SLC9A9: variants seen among roughly 807,000 people sequenced by gnomAD.
SLC9A9 encodes the protein sodium/hydrogen exchanger 9.
Under a neutral mutation model 77.8 loss-of-function variants are expected in SLC9A9, and 62 were observed. That is an observed-to-expected ratio of 0.80 (90% CI 0.65 to 0.98). SLC9A9 has a LOEUF of 0.98. Ranked by LOEUF, SLC9A9 falls within the 50% of genes least tolerant of loss-of-function variation. SLC9A9 has a pLI of 0.00. For missense variants in SLC9A9, 775 were observed against 774.9 expected (o/e 1.00, Z 0.00); for synonymous variants, 320 against 283.5 (o/e 1.13, Z -1.29).
chr3:143,730,209 A>G (rs1283169745), intron 4 of SLC9A9, among the ~76,000 whole-genome samples: 1 of 152,162 alleles, frequency 6.6e-6, no homozygotes, highest in Admixed American at 6.5e-5. Context: ...CCCCTTTGAA[A>G]GCGTGGTATT....
At chr3:143,804,893 A>G (rs142764090) in intron 2 of SLC9A9, among the ~76,000 whole-genome samples, 2,857 of 152,278 alleles carry the variant, frequency 0.019, 76 homozygotes, top group African/African-American at 0.053. Flanking sequence ...TCAGTCCTCC[A>G]GGCCCAAGTT....
chr3:143,775,007 A>G (rs143009755), intron 4 of SLC9A9, among the ~76,000 whole-genome samples: 124 of 152,206 alleles, frequency 8.1e-4, no homozygotes, highest in African/African-American at 2.8e-3. Context: ...GGATTTCCCA[A>G]TCCCACTGCT....
intron 6 of SLC9A9, among the ~76,000 whole-genome samples, chr3:143,651,595 A>G (rs140188657): frequency 1.7e-3 from 258 of 152,340 alleles, no homozygotes; most frequent in African/African-American, 5.9e-3. Context: ...AACCAAGAAG[A>G]GACCTCTGAC....
chr3:143,795,281 G>GA (rs776525691), intron 3 of SLC9A9, among the ~76,000 whole-genome samples: 22,228 of 72,048 alleles, frequency 0.31, 2,705 homozygotes, highest in East Asian at 0.53. Flanking sequence ...TCAAGAAGCA[G>GA]AAAAAAAAAA....
chr3:143,636,499 G>C (rs1426512570), intron 6 of SLC9A9, among the ~76,000 whole-genome samples: 1 of 152,092 alleles, frequency 6.6e-6, no homozygotes, highest in Non-Finnish European at 1.5e-5. Flanking sequence ...GATTTAGGGG[G>C]TACAGGGGCA....
chr3:143,551,458 G>C (rs927928247), intron 9 of SLC9A9, among the ~76,000 whole-genome samples: 1 of 152,216 alleles, frequency 6.6e-6, no homozygotes, highest in Non-Finnish European at 1.5e-5. Flanking sequence ...TATTTACAGA[G>C]CTTCCACTGG....
intron 6 of SLC9A9, among the ~76,000 whole-genome samples, chr3:143,648,547 G>A (rs941110738): frequency 6.6e-6 from 1 of 152,112 alleles, no homozygotes; most frequent in African/African-American, 2.4e-5. Context: ...GACCAGTGCC[G>A]GTCCACAGCC....
At chr3:143,779,003 T>C (rs1244934545) in intron 4 of SLC9A9, among the ~76,000 whole-genome samples, 2 of 152,236 alleles carry the variant, frequency 1.3e-5, no homozygotes, top group African/African-American at 4.8e-5. Flanking sequence ...CATGAATTTA[T>C]ACCTCTAGTG....
At chr3:143,446,892 G>GTGCATGCACACA (rs2034855757) in intron 12 of SLC9A9, among the ~76,000 whole-genome samples, 2 of 152,224 alleles carry the variant, frequency 1.3e-5, no homozygotes, top group East Asian at 1.9e-4. Context: ...GTGTGTGTGT[G>GTGCATGCACACA]TGTGTGCATG....
intron 4 of SLC9A9, among the ~76,000 whole-genome samples, chr3:143,749,165 AATT>A (rs1233443877): frequency 1.3e-5 from 2 of 152,270 alleles, no homozygotes; most frequent in African/African-American, 4.8e-5. Context: ...TAATATTTTA[AATT>A]ATTATTTATA....
chr3:143,502,028 G>A (rs2035931642), intron 9 of SLC9A9, among the ~76,000 whole-genome samples: 2 of 150,810 alleles, frequency 1.3e-5, no homozygotes, highest in Non-Finnish European at 2.9e-5. Flanking sequence ...CCACCCCAAA[G>A]CCAATAATAA....
chr3:143,593,847 C>A (rs1020929697), intron 6 of SLC9A9, among the ~76,000 whole-genome samples: 1 of 152,150 alleles, frequency 6.6e-6, no homozygotes, highest in African/African-American at 2.4e-5. Context: ...ACCCAGGCAA[C>A]CTCAACCATG....
chr3:143,767,147 A>G (rs13080239), intron 4 of SLC9A9, among the ~76,000 whole-genome samples: 64,589 of 151,860 alleles, frequency 0.43, 14,562 homozygotes, highest in African/African-American at 0.57. Flanking sequence ...ACCTCTAGAT[A>G]TTTCTGCAGA....
At chr3:143,268,335 G>T (rs757462636) in intron 15 of SLC9A9, among the ~76,000 whole-genome samples, 2 of 152,078 alleles carry the variant, frequency 1.3e-5, no homozygotes, top group Admixed American at 6.5e-5. Flanking sequence ...ATTTTCTAAG[G>T]TCATTTTATG....
chr3:143,505,994 AT>A (rs1364756791), intron 9 of SLC9A9, among the ~76,000 whole-genome samples: 19 of 152,166 alleles, frequency 1.2e-4, no homozygotes, highest in Non-Finnish European at 2.9e-5. Flanking sequence ...TTAAAAAAAA[AT>A]TTTGCTATTA....
At chr3:143,602,622 G>A (rs2037863387) in intron 6 of SLC9A9, among the ~76,000 whole-genome samples, 1 of 152,016 alleles carries the variant, frequency 6.6e-6, no homozygotes. Context: ...AGGAAATATA[G>A]ACACAAATGG....
At chr3:143,666,902 C>T (rs1365126853) in intron 5 of SLC9A9, among the ~76,000 whole-genome samples, 1 of 152,200 alleles carries the variant, frequency 6.6e-6, no homozygotes, top group Admixed American at 6.5e-5. Context: ...AATGGCCATA[C>T]TGCCCAAGGT....
chr3:143,430,241 G>C (rs1218189643), intron 12 of SLC9A9, among the ~76,000 whole-genome samples: 1 of 152,184 alleles, frequency 6.6e-6, no homozygotes, highest in Non-Finnish European at 1.5e-5. Flanking sequence ...AAGCTTTGCT[G>C]ACTCCCAGTG....
chr3:143,743,205 AGATG>A (rs34152223), intron 4 of SLC9A9, among the ~76,000 whole-genome samples: 1,560 of 139,956 alleles, frequency 0.011, 15 homozygotes, highest in African/African-American at 0.018. Flanking sequence ...ATAGATGGAT[AGATG>A]GATGGATGGA....
Sources: gnomAD v4.1 joint callset for allele counts (sites outside exome capture counted in the v4.1 genomes callset) on GRCh38, gnomAD v4.1.1 for gene constraint, MANE v1.5 for transcripts, NCBI Gene and HGNC (gene_info 2026-07-23, HGNC 2026-07-21) for gene names.